The following CSMD1 variants were observed in gnomAD, a reference collection of about 807,000 sequenced individuals.
CSMD1 encodes the protein CUB and Sushi multiple domains 1, also known as CUB and sushi domain-containing protein 1.
Under a neutral mutation model 417.5 loss-of-function variants are expected in CSMD1, and 213 were observed. The observed-to-expected ratio is 0.51, with a 90% CI of 0.46 to 0.57. The LOEUF (loss-of-function observed/expected upper bound fraction) is 0.57, where lower values mean the gene tolerates loss of function less well. CSMD1 is among the 20% of genes least tolerant of loss of function. CSMD1 has a pLI of 0.00. For synonymous variants in CSMD1, 2,862 were observed against 1,736.8 expected, an observed-to-expected ratio of 1.65 and a Z score of -16.11; for missense variants, 6,923 against 4,529.7, an observed-to-expected ratio of 1.53 and a Z score of -15.17.
At chr8:3,161,540 C>G (rs1023126414) in intron 38 of CSMD1, among the ~76,000 whole-genome samples, 3 of 147,042 alleles carry the variant, frequency 2.0e-5, no homozygotes, top group African/African-American at 7.6e-5. Flanking sequence ...TTGTTTGAAT[C>G]TGGGAGGCGG....
Position 3,436,873 on chromosome 8 carries a change from A to T in CSMD1, c.1562-27268T>A, listed in dbSNP as rs146423259. ...TGATTCGGGATTATTAGAGATGAAA[A>T]CATTAAGGTAATGCCAATTATTATT... On this transcript the variant is annotated intron_variant, in intron 12 of 69. Transcript: ENST00000635120. Among the ~76,000 whole-genome samples, 1,189 of 152,292 alleles carry T rather than the reference A, an allele frequency of 7.8e-3. 14 individuals carry two copies. The highest frequency in any genetic ancestry group is 0.027 in the African/African-American group (1,124 of 41,548).
chr8:3,817,735 G>A (rs1801468936), intron 5 of CSMD1, among the ~76,000 whole-genome samples: 1 of 152,120 alleles, frequency 6.6e-6, no homozygotes, highest in Non-Finnish European at 1.5e-5. Flanking sequence ...AAAGAGCTAA[G>A]GAGAAATAAC....
At chr8:3,030,360 T>A (rs1410954965) in intron 50 of CSMD1, among the ~76,000 whole-genome samples, 1 of 152,076 alleles carries the variant, frequency 6.6e-6, no homozygotes, top group Non-Finnish European at 1.5e-5. Context: ...CTATCATTCA[T>A]TAAAATCAAC....
chr8:4,556,737 A>G (rs1227016306), intron 2 of CSMD1, among the ~76,000 whole-genome samples: 1 of 152,244 alleles, frequency 6.6e-6, no homozygotes, highest in Non-Finnish European at 1.5e-5. Context: ...CAAGATGAGC[A>G]TCGCAAAGTC....
chr8:3,416,130 T>G (rs1232340613), intron 12 of CSMD1, among the ~76,000 whole-genome samples: 1 of 150,832 alleles, frequency 6.6e-6, no homozygotes, highest in Non-Finnish European at 1.5e-5. Context: ...TGAAACCCCG[T>G]CTCTACTAAA....
intron 1 of CSMD1, among the ~76,000 whole-genome samples, chr8:4,974,924 T>A (rs1332065606): frequency 2.0e-5 from 3 of 152,326 alleles, no homozygotes; most frequent in Non-Finnish European, 4.4e-5. Flanking sequence ...ATACTGGGGT[T>A]TAAAGAGAGA....
In CSMD1 at chr8:3,740,999, C is replaced by G. The variant is rs941048123; in HGVS notation, c.931+12931G>C. On this transcript the variant is annotated intron_variant, in intron 6 of 69. Coordinates refer to ENST00000635120, the MANE Select transcript of CSMD1 (RefSeq NM_033225.6). The stretch of plus-strand genomic sequence containing the variant: ...GGAGGCCAAGGTGGACGGATCACCT[C>G]AGGTCAGGATTTCCAGACCAGCCTG... Among the ~76,000 whole-genome samples the G allele has an allele frequency of 2.0e-5, 3 of 151,890 alleles. No homozygotes were observed. The South Asian group carries it at 6.2e-4, about 32-fold the overall frequency.
intron 5 of CSMD1, among the ~76,000 whole-genome samples, chr8:3,987,668 A>C (rs1814434762): frequency 6.6e-6 from 1 of 152,220 alleles, no homozygotes; most frequent in African/African-American, 2.4e-5. Flanking sequence ...GACAGTTCCC[A>C]GACAGAGAAA....
At chr8:3,822,661 G>T (rs1052376957) in intron 5 of CSMD1, among the ~76,000 whole-genome samples, 7 of 152,100 alleles carry the variant, frequency 4.6e-5, no homozygotes, top group African/African-American at 1.7e-4. Context: ...CTTCATTTAT[G>T]TCTTCTCAGC....
chr8:4,745,212 A>G (rs1187527359), intron 1 of CSMD1, among the ~76,000 whole-genome samples: 1 of 152,210 alleles, frequency 6.6e-6, no homozygotes, highest in Non-Finnish European at 1.5e-5. Context: ...ATACAAAGTT[A>G]TAGCTATCCA....
At chr8:3,817,226 A>T in intron 5 of CSMD1, among the ~76,000 whole-genome samples, 1 of 141,162 alleles carries the variant, frequency 7.1e-6, no homozygotes, top group Non-Finnish European at 1.5e-5. Flanking sequence ...GGATCTCCAA[A>T]TCCAAAGTGG....
At chr8:3,994,052 G>C (rs1179883546) in intron 5 of CSMD1, among the ~76,000 whole-genome samples, 3 of 152,214 alleles carry the variant, frequency 2.0e-5, no homozygotes, top group Non-Finnish European at 4.4e-5. Flanking sequence ...GGTAGCTGTG[G>C]ACAGCTTGGG....
At chr8:3,663,681 C>G (rs1002381166) in intron 7 of CSMD1, among the ~76,000 whole-genome samples, 2 of 152,312 alleles carry the variant, frequency 1.3e-5, no homozygotes, top group African/African-American at 4.8e-5. Flanking sequence ...TACCTATGAA[C>G]TGGAAACCCC....
At chr8:3,556,532 A>T (rs552567899) in intron 10 of CSMD1, among the ~76,000 whole-genome samples, 1 of 148,512 alleles carries the variant, frequency 6.7e-6, no homozygotes, top group Non-Finnish European at 1.5e-5. Context: ...ACACACACAC[A>T]CACACACACA....
intron 2 of CSMD1, among the ~76,000 whole-genome samples, chr8:4,527,515 C>A (rs374594223): frequency 6.6e-6 from 1 of 152,198 alleles, no homozygotes. Context: ...TATCACTTTT[C>A]CAAAACGCAG....
chr8:3,625,236 T>A (rs922393804), intron 7 of CSMD1, among the ~76,000 whole-genome samples: 1 of 152,202 alleles, frequency 6.6e-6, no homozygotes, highest in Non-Finnish European at 1.5e-5. Context: ...GGAGCAACAT[T>A]AGAAGCTTTA....
chr8:3,014,007 T>C (rs1326918074), intron 52 of CSMD1, among the ~76,000 whole-genome samples: 1 of 152,162 alleles, frequency 6.6e-6, no homozygotes, highest in African/African-American at 2.4e-5. Context: ...CTCTACACTA[T>C]GAACTCAGAA....
chr8:4,144,506 T>G (rs1266948203), intron 3 of CSMD1, among the ~76,000 whole-genome samples: 4 of 151,138 alleles, frequency 2.6e-5, no homozygotes, highest in Non-Finnish European at 5.9e-5. Flanking sequence ...GGCTCCAGTC[T>G]AAATGCTTCA....
At chr8:4,012,967 C>T (rs960230777) in intron 4 of CSMD1, among the ~76,000 whole-genome samples, 2 of 152,140 alleles carry the variant, frequency 1.3e-5, no homozygotes, top group South Asian at 2.1e-4. Flanking sequence ...CTCCTCTGCT[C>T]CTGTCATCTC....
Sources: gnomAD v4.1 joint callset for allele counts (sites outside exome capture counted in the v4.1 genomes callset) on GRCh38, gnomAD v4.1.1 for gene constraint, MANE v1.5 for transcripts, NCBI Gene and HGNC (gene_info 2026-07-23, HGNC 2026-07-21) for gene names.